VWA8: variants seen among roughly 807,000 people sequenced by gnomAD.
VWA8 encodes the protein von Willebrand factor A domain-containing protein 8.
VWA8 carries 221 observed loss-of-function variants against 241.5 expected under a neutral mutation model. The observed-to-expected ratio is 0.91, with a 90% CI of 0.82 to 1.02. The LOEUF (loss-of-function observed/expected upper bound fraction) is 1.02. Among genes scored for constraint, VWA8 ranks in the 50% least tolerant of loss-of-function variants. The probability of loss-of-function intolerance (pLI) is 0.00; values close to 1 mark genes in which losing one functional copy is unlikely to be tolerated. For synonymous variants in VWA8, 852 were observed against 827.1 expected, an observed-to-expected ratio of 1.03 and a Z score of -0.52; for missense variants, 2,322 against 2,328.7, an observed-to-expected ratio of 1.00 and a Z score of 0.06.
chr13:41,846,289 A>G (rs1448146638), intron 12 of VWA8, among the ~76,000 whole-genome samples: 1 of 152,170 alleles, frequency 6.6e-6, no homozygotes, highest in African/African-American at 2.4e-5. Context: ...TTCAATAAAG[A>G]CACCTGGAGC....
rs1319207280 is a variant in VWA8 at position 41,830,514 on chromosome 13, T to C, written c.1700+15A>G. 2 of 1,600,012 alleles carry C rather than the reference T, an allele frequency of 1.2e-6. No homozygotes were observed. The highest frequency in any genetic ancestry group is 1.3e-5 in the African/African-American group (1 of 74,658). ...AACAATAAATTAGCAATGGGAGTAA[T>C]GGACCCCAAATTACCTCTTCTGTAG... On this transcript the variant is annotated intron_variant, in intron 14 of 44. Transcript: ENST00000379310.
intron 12 of VWA8, among the ~76,000 whole-genome samples, chr13:41,863,310 C>T (rs1419680050): frequency 6.7e-6 from 1 of 149,828 alleles, no homozygotes; most frequent in East Asian, 2.0e-4. Flanking sequence ...TGCAGACAGC[C>T]TATTGTGGGA....
At position 41,678,331 on chromosome 13, in the gene VWA8, C is replaced by T. The variant is rs144021206; in HGVS notation, c.4328-3035G>A. On this transcript the variant is annotated intron_variant, in intron 35 of 44. Coordinates refer to ENST00000379310, the MANE Select transcript of VWA8 (RefSeq NM_015058.2). The stretch of plus-strand genomic sequence containing the variant: ...AGCTGTCTTCAAGTGGCCATTTGCA[C>T]AAAATGAATATGCTTATCGTAAGCC... Among the ~76,000 whole-genome samples, 873 of 152,320 alleles carry T rather than the reference C, an allele frequency of 5.7e-3. 7 individuals carry two copies. Among genetic ancestry groups the T allele is most frequent in the Non-Finnish European group, 8.9e-3 (605 of 68,026 alleles).
At position 41,721,497 on chromosome 13, in the gene VWA8, T is replaced by A. The variant is rs1340585379; in HGVS notation, c.2837A>T (p.Asn946Ile). ...CTTCTGAAGGATGGGCTCAGGCACA[T>A]TTGGTCCATACTGTCTGAGCATCTC... ...ELEMLRQYGP[N>I]VPEPILQKLV... The change falls in exon 25 of 45, where the codon AAT (asparagine) becomes ATT (isoleucine). Residue 946 changes from asparagine to isoleucine, a missense_variant. By Grantham distance (149) the Asn-to-Ile change is moderately radical. Coordinates refer to ENST00000379310, the MANE Select transcript of VWA8 (RefSeq NM_015058.2). 6.2e-7 allele frequency: 1 copy of A among 1,613,928 alleles called. No homozygotes were observed. Among genetic ancestry groups the A allele is most frequent in the South Asian group, 1.1e-5 (1 of 91,072 alleles).
intron 1 of VWA8, among the ~76,000 whole-genome samples, 159 bp downstream of exon 1, chr13:41,960,694 G>A (rs891535931): frequency 1.3e-5 from 2 of 152,192 alleles, no homozygotes; most frequent in African/African-American, 4.8e-5. Flanking sequence ...ACAGCAGTTA[G>A]CGCCGAGGTC....
chr13:41,884,843 C>G (rs1874438102), intron 8 of VWA8, among the ~76,000 whole-genome samples: 2 of 152,058 alleles, frequency 1.3e-5, no homozygotes, highest in Non-Finnish European at 2.9e-5. Context: ...ATGTATAGAA[C>G]AATGTCAACA....
At chr13:41,580,426 T>C (rs1775069151) in intron 42 of VWA8, among the ~76,000 whole-genome samples, 2 of 152,370 alleles carry the variant, frequency 1.3e-5, no homozygotes, top group African/African-American at 4.8e-5. Flanking sequence ...GGAAAGAGAT[T>C]AATTGCAGAT....
intron 3 of VWA8, among the ~76,000 whole-genome samples, chr13:41,908,895 C>A (rs1344503067): frequency 6.6e-6 from 1 of 152,146 alleles, no homozygotes; most frequent in Non-Finnish European, 1.5e-5. Context: ...AATGAACATG[C>A]CATTAATGGC....
At chr13:41,784,763 C>CACACACACATATATATATATATATATAT (rs1869107946) in intron 18 of VWA8, among the ~76,000 whole-genome samples, 2 of 50,558 alleles carry the variant, frequency 4.0e-5, no homozygotes, top group African/African-American at 1.1e-4. Context: ...TATATATATA[C>CACACACACATATATATATATATATATAT]ACACACACAC....
At chr13:41,808,282 G>T (rs1870311094) in intron 17 of VWA8, among the ~76,000 whole-genome samples, 1 of 152,148 alleles carries the variant, frequency 6.6e-6, no homozygotes, top group Non-Finnish European at 1.5e-5. Flanking sequence ...CGACTATAAA[G>T]AAATATCTGA....
chr13:41,624,705 A>G (rs941147997), intron 37 of VWA8, among the ~76,000 whole-genome samples: 1 of 152,186 alleles, frequency 6.6e-6, no homozygotes, highest in Non-Finnish European at 1.5e-5. Flanking sequence ...TGACAAACCC[A>G]CAGCCAACAT....
At chr13:41,887,152 A>G (rs1231112955) in intron 6 of VWA8, 45 bp downstream of exon 6, 1 of 1,581,568 alleles carries the variant, frequency 6.3e-7, no homozygotes, top group Admixed American at 2.0e-5. Flanking sequence ...CTTGTTATAA[A>G]TAGAAAAACT....
At chr13:41,881,723 T>A (rs12856160) in intron 9 of VWA8, among the ~76,000 whole-genome samples, 2 of 16,920 alleles carry the variant, frequency 1.2e-4, no homozygotes, top group African/African-American at 2.0e-4. Context: ...CTGGCCGGGC[T>A]GGGGGCTGAC....
chr13:41,746,956 T>C (rs1027047548), intron 21 of VWA8, among the ~76,000 whole-genome samples: 2 of 152,222 alleles, frequency 1.3e-5, no homozygotes, highest in East Asian at 1.9e-4. Context: ...TAAAATACCA[T>C]GGATTCAGCA....
At chr13:41,608,714 G>A (rs189455539) in intron 39 of VWA8, among the ~76,000 whole-genome samples, 167 of 152,206 alleles carry the variant, frequency 1.1e-3, no homozygotes, top group South Asian at 6.7e-3. Flanking sequence ...TACCCTAGAC[G>A]CTTTTCTAAG....
At chr13:41,700,630 CTT>C (rs1218081821) in intron 28 of VWA8, among the ~76,000 whole-genome samples, 1 of 152,158 alleles carries the variant, frequency 6.6e-6, no homozygotes, top group Non-Finnish European at 1.5e-5. Context: ...GCAGTTCAGT[CTT>C]TGTCTTAAAC....
chr13:41,831,348 G>A (rs1015949391), intron 13 of VWA8, among the ~76,000 whole-genome samples: 2 of 152,166 alleles, frequency 1.3e-5, no homozygotes, highest in Admixed American at 6.5e-5. Context: ...AACTCCAGCT[G>A]TGCACCTTAC....
intron 40 of VWA8, among the ~76,000 whole-genome samples, chr13:41,603,698 C>A (rs2044536200): frequency 6.6e-6 from 1 of 152,052 alleles, no homozygotes; most frequent in Admixed American, 6.6e-5. Flanking sequence ...TGTCTCCCAC[C>A]AGGGTGTGCT....
chr13:41,694,302 C>T (rs1034083604), intron 29 of VWA8, among the ~76,000 whole-genome samples: 1 of 151,906 alleles, frequency 6.6e-6, no homozygotes, highest in Non-Finnish European at 1.5e-5. Context: ...AGTATTTGCA[C>T]CATATAACTC....
Sources: allele counts gnomAD v4.1 joint callset (sites outside exome capture counted in the v4.1 genomes callset), GRCh38; gene constraint gnomAD v4.1.1; transcripts MANE v1.5; gene names NCBI Gene and HGNC (gene_info 2026-07-23, HGNC 2026-07-21).